Variants in SOX5 observed in about 807,000 individuals in gnomAD.
SOX5 encodes the protein transcription factor SOX-5.
SOX5 carries 9 observed loss-of-function variants against 92.0 expected under a neutral mutation model. The observed-to-expected ratio is 0.10, with a 90% CI of 0.06 to 0.17. The LOEUF (loss-of-function observed/expected upper bound fraction) is 0.17, where lower values mean the gene tolerates loss of function less well. SOX5 is among the 10% of genes least tolerant of loss of function. SOX5 has a pLI of 1.00. For synonymous variants in SOX5, 344 were observed against 336.3 expected, an observed-to-expected ratio of 1.02 and a Z score of -0.25; for missense variants, 642 against 944.5, an observed-to-expected ratio of 0.68 and a Z score of 4.20.
At chr12:23,927,955 G>A (rs556561196) in intron 1 of SOX5, among the ~76,000 whole-genome samples, 1 of 152,030 alleles carries the variant, frequency 6.6e-6, no homozygotes, top group Non-Finnish European at 1.5e-5. Flanking sequence ...AGAAGATTTA[G>A]TAGCCATTAG....
chr12:23,863,792 CTACACACACACACACACA>C (rs2096781396), intron 2 of SOX5, among the ~76,000 whole-genome samples: 1 of 104,044 alleles, frequency 9.6e-6, no homozygotes, highest in Non-Finnish European at 2.0e-5. Context: ...TTTAAACACA[CTACACACACACACACACA>C]CACACACACA....
At chr12:24,476,955 G>GAGTTCA (rs1267551657) in intron 1 of SOX5, among the ~76,000 whole-genome samples, 1 of 127,288 alleles carries the variant, frequency 7.9e-6, no homozygotes, top group African/African-American at 3.1e-5. Context: ...TTGAGGCCAG[G>GAGTTCA]AGTTCAAGAC....
chr12:24,255,970 C>G (rs1056654868), intron 3 of SOX5, among the ~76,000 whole-genome samples: 4 of 152,106 alleles, frequency 2.6e-5, no homozygotes, highest in Non-Finnish European at 5.9e-5. Context: ...TTTTAAACCC[C>G]AAGTTGTTAA....
chr12:23,610,873 A>G (rs1452902731), intron 8 of SOX5, among the ~76,000 whole-genome samples: 8 of 152,178 alleles, frequency 5.3e-5, no homozygotes, highest in Admixed American at 5.2e-4. Flanking sequence ...AAAAAAGTTA[A>G]AAGTATCTTT....
At chr12:23,685,637 C>T (rs187115773) in intron 6 of SOX5, among the ~76,000 whole-genome samples, 6 of 149,364 alleles carry the variant, frequency 4.0e-5, no homozygotes, top group South Asian at 2.2e-4. Context: ...GTCCCCCCCC[C>T]CAAAAATCTA....
At chr12:23,798,521 T>C (rs1346864286) in intron 3 of SOX5, among the ~76,000 whole-genome samples, 2 of 150,452 alleles carry the variant, frequency 1.3e-5, no homozygotes, top group African/African-American at 4.9e-5. Flanking sequence ...CTCATGCATA[T>C]AGCAAATATA....
At chr12:24,420,742 A>C (rs973882753) in intron 1 of SOX5, among the ~76,000 whole-genome samples, 6 of 152,196 alleles carry the variant, frequency 3.9e-5, no homozygotes, top group African/African-American at 1.4e-4. Flanking sequence ...TGCAACCCCT[A>C]ATAAATTAAT....
At chr12:23,657,983 A>T (rs2082526027) in intron 7 of SOX5, among the ~76,000 whole-genome samples, 1 of 152,190 alleles carries the variant, frequency 6.6e-6, no homozygotes, top group Non-Finnish European at 1.5e-5. Context: ...TATCAAAGAA[A>T]GAGTCTTTGC....
chr12:24,546,172 T>C (rs1429371713), intron 1 of SOX5, among the ~76,000 whole-genome samples: 1 of 152,246 alleles, frequency 6.6e-6, no homozygotes, highest in Non-Finnish European at 1.5e-5. Flanking sequence ...AATGTCTGTG[T>C]GTTTCTGTGC....
chr12:24,408,581 T>G (rs1394064207), intron 1 of SOX5, among the ~76,000 whole-genome samples: 1 of 152,186 alleles, frequency 6.6e-6, no homozygotes, highest in Non-Finnish European at 1.5e-5. Context: ...CACTGATCTA[T>G]TTTCAGTTTC....
At chr12:24,520,781 A>T (rs1176311385) in intron 1 of SOX5, among the ~76,000 whole-genome samples, 2 of 152,206 alleles carry the variant, frequency 1.3e-5, no homozygotes, top group Non-Finnish European at 2.9e-5. Flanking sequence ...ATCAGCTGAA[A>T]GTGAAAGGAT....
Position 24,116,973 on chromosome 12 carries a change from CAAA to C in SOX5, c.-2+96367_-2+96369del, listed in dbSNP as rs3031105. Among the ~76,000 whole-genome samples the C allele has an allele frequency of 7.2e-4, 91 of 126,884 alleles. 1 individual carries two copies. Among genetic ancestry groups the C allele is most frequent in the Non-Finnish European group, 1.2e-3 (70 of 58,346 alleles). 83.2% of individuals were successfully genotyped at this position (126,884 alleles called of 152,430 possible). On this transcript the variant is annotated intron_variant, in intron 4 of 4. Coordinates refer to the SOX5 transcript ENST00000446891. ...AACTTTATCCAATTATCTAAAAATG[CAAA>C]AAAAAAAAAAAATCTGCACAGCAAA... is the stretch of plus-strand genomic sequence containing the variant.
At chr12:24,044,150 C>T (rs971012) in intron 4 of SOX5, among the ~76,000 whole-genome samples, 94,734 of 151,982 alleles carry the variant, frequency 0.62, 30,231 homozygotes, top group Non-Finnish European at 0.7. Context: ...CTGTGCATGC[C>T]TTTGATTTAT....
chr12:24,064,715 T>G (rs1407870039), intron 4 of SOX5, among the ~76,000 whole-genome samples: 1 of 152,200 alleles, frequency 6.6e-6, no homozygotes, highest in Non-Finnish European at 1.5e-5. Flanking sequence ...ATCCTGATCA[T>G]AGAAAGGTCC....
At chr12:24,502,488 A>G (rs996996609) in intron 1 of SOX5, among the ~76,000 whole-genome samples, 1 of 152,218 alleles carries the variant, frequency 6.6e-6, no homozygotes, top group African/African-American at 2.4e-5. Context: ...ATGGAAATAA[A>G]TCATTGAGTA....
chr12:24,068,541 G>A (rs1941169747), intron 4 of SOX5, among the ~76,000 whole-genome samples: 1 of 151,502 alleles, frequency 6.6e-6, no homozygotes, highest in Non-Finnish European at 1.5e-5. Flanking sequence ...ATTTGCATAT[G>A]GTCTGACTCA....
rs11302877 is a variant in SOX5, at chr12:24,076,699, CTTTTTTTT to C, written c.-2+136636_-2+136643del. Among the ~76,000 whole-genome samples the C allele has an allele frequency of 8.6e-3, 886 of 102,910 alleles. 10 individuals are homozygous for C. The highest frequency in any genetic ancestry group is 0.051 in the South Asian group (148 of 2,930). 67.5% of individuals were successfully genotyped at this position (102,910 alleles called of 152,430 possible). On this transcript the variant is annotated intron_variant, in intron 4 of 4. Coordinates refer to the SOX5 transcript ENST00000446891. ...AATACTAAAAAAGATCCAAAGCTGC[CTTTTTTTT>C]TTTTTTTTTTTTTGTAATGGTTGGT... is the stretch of plus-strand genomic sequence containing the variant.
intron 3 of SOX5, among the ~76,000 whole-genome samples, chr12:23,782,959 T>C (rs1244355730): frequency 6.6e-6 from 1 of 152,062 alleles, no homozygotes; most frequent in Non-Finnish European, 1.5e-5. Context: ...TGTAAGGCCC[T>C]TTGAGAGCCT....
chr12:23,898,144 G>A (rs1205818022), intron 1 of SOX5, among the ~76,000 whole-genome samples: 1 of 152,200 alleles, frequency 6.6e-6, no homozygotes, highest in African/African-American at 2.4e-5. Context: ...CATGTAAAGA[G>A]TTTGTGGACA....
Sources: allele counts gnomAD v4.1 joint callset (sites outside exome capture counted in the v4.1 genomes callset), GRCh38; gene constraint gnomAD v4.1.1; transcripts MANE v1.5; gene names NCBI Gene and HGNC (gene_info 2026-07-23, HGNC 2026-07-21).